The following ANKRD30B variants were observed in gnomAD, a reference collection of about 807,000 sequenced individuals.
ANKRD30B encodes ankyrin repeat domain-containing protein 30B.
In ANKRD30B, 144 loss-of-function variants were observed where a neutral mutation model predicts 202.2. That is an observed-to-expected ratio of 0.71 (90% confidence interval 0.62 to 0.82). ANKRD30B has a LOEUF of 0.82. Ranked by LOEUF, ANKRD30B falls within the 40% of genes least tolerant of loss-of-function variation. The pLI is 0.00. For synonymous variants in ANKRD30B, 508 were observed against 561.3 expected (o/e 0.91, Z 1.34); for missense variants, 1,487 against 1,669.1 (o/e 0.89, Z 1.90).
At chr18:14,775,570 G>A (rs1043377738) in intron 9 of ANKRD30B, among the ~76,000 whole-genome samples, 5 of 152,194 alleles carry the variant, frequency 3.3e-5, no homozygotes, top group African/African-American at 1.2e-4. Context: ...ATGAGAAATA[G>A]GACACCTGTA....
Position 14,785,459 on chromosome 18 carries a change from A to G in ANKRD30B, c.1672+924A>G, listed in dbSNP as rs546306771. Among the ~76,000 whole-genome samples, 14 of 152,350 alleles carry G rather than the reference A, an allele frequency of 9.2e-5. No individual in the cohort carries two copies. In the South Asian group the frequency reaches 2.9e-3, roughly 32 times the overall value. On this transcript the variant is annotated intron_variant, in intron 14 of 43. Coordinates refer to ENST00000690538, the MANE Select transcript of ANKRD30B (RefSeq NM_001367607.2). ...CACAGTTTTTATGCTGATAAGTAATAAATAAAAATGAAAACATGCAGATTT... is the reference window on the plus strand; with the variant it reads ...CACAGTTTTTATGCTGATAAGTAATGAATAAAAATGAAAACATGCAGATTT...
intron 3 of ANKRD30B, among the ~76,000 whole-genome samples, chr18:14,753,888 A>G (rs1913891056): frequency 6.6e-6 from 1 of 152,114 alleles, no homozygotes. Context: ...TAGAACTTTC[A>G]TTAGTAAGCC....
rs959243030 is a variant in ANKRD30B, at chr18:14,828,321, G to A, written c.2774+13G>A. On this transcript the variant is annotated intron_variant, in intron 33 of 43. Coordinates refer to ENST00000690538, the MANE Select transcript of ANKRD30B (RefSeq NM_001367607.2). Reference sequence around the variant, plus strand: ...AGTCCACATTCAGGTAAGACTTTGCGGTTTTTTAAAACGTATATGTTAACT... The same window carrying A: ...AGTCCACATTCAGGTAAGACTTTGCAGTTTTTTAAAACGTATATGTTAACT... 1.1e-5 allele frequency: 17 copies of A among 1,527,520 alleles called. No homozygotes were observed. The highest frequency in any genetic ancestry group is 6.5e-5 in the Admixed American group (3 of 45,992). The allele number at this position is 1,527,520 out of a possible 1,614,324, so 94.6% of individuals were successfully genotyped here.
chr18:14,888,794 A>G, the ANKRD30B span: 12 of 1,130,170 alleles, frequency 1.1e-5, no homozygotes, highest in Middle Eastern at 5.8e-4. Context: ...ATTTAAGGCA[A>G]CAAACATTTC....
chr18:14,838,988 T>C (rs1300209844), intron 36 of ANKRD30B, among the ~76,000 whole-genome samples: 3 of 152,086 alleles, frequency 2.0e-5, no homozygotes, highest in Non-Finnish European at 4.4e-5. Flanking sequence ...TAATTTTGGG[T>C]AAGGGGATGG....
chr18:14,753,011 AG>A lies in ANKRD30B; in HGVS notation c.510+1del, dbSNP rs759595560. 59 of 1,584,330 alleles carry A rather than the reference AG, an allele frequency of 3.7e-5. No homozygotes were observed. In the South Asian group the frequency reaches 6.3e-4, roughly 17 times the overall value. ...GGTGCAGTCATCGAGGTGCAAAACA[AG>A]GTAGACATTAACCAATGTTATTTTC... is the stretch of plus-strand genomic sequence containing the variant. Reference protein sequence around the residue: ...SYGAVIEVQNKASLTPLLLAI... With the variant: ...SYGAVIEVQNXASLTPLLLAI... On this transcript the variant is annotated frameshift_variant and splice_region_variant, in exon 3 of 44. Coordinates refer to ENST00000690538, the MANE Select transcript of ANKRD30B (RefSeq NM_001367607.2). LOFTEE classifies it high-confidence loss of function.
intron 42 of ANKRD30B, chr18:14,852,681 G>A (rs1354800270): frequency 3.8e-6 from 1 of 260,420 alleles, no homozygotes; most frequent in Admixed American, 5.3e-5. Context: ...AATGACATTG[G>A]CTTATACTGC....
chr18:14,929,997 G>A, the ANKRD30B span, among the ~76,000 whole-genome samples: 1 of 152,200 alleles, frequency 6.6e-6, no homozygotes. Context: ...GGCTCTGGAT[G>A]AGTAAGTGGC....
chr18:14,839,740 C>CA (rs1971334672), intron 36 of ANKRD30B, among the ~76,000 whole-genome samples: 2 of 152,020 alleles, frequency 1.3e-5, no homozygotes, highest in Admixed American at 1.3e-4. Flanking sequence ...TCTGTATCAG[C>CA]AAAAAAGATG....
chr18:14,805,624 G>A (rs1355303927), intron 24 of ANKRD30B, among the ~76,000 whole-genome samples: 1 of 150,566 alleles, frequency 6.6e-6, no homozygotes, highest in Non-Finnish European at 1.5e-5. Flanking sequence ...TCCGAACTGT[G>A]TACTTTCTCA....
chr18:14,796,089 G>A, intron 16 of ANKRD30B, 132 bp from the exon 17 acceptor site: 1 of 998,332 alleles, frequency 1.0e-6, no homozygotes, highest in Admixed American at 1.9e-5. Flanking sequence ...AAGCCCAAAA[G>A]ACCCCAAAAC....
chr18:14,855,085 G>A (rs1025414915), downstream of ANKRD30B, among the ~76,000 whole-genome samples: 3 of 152,076 alleles, frequency 2.0e-5, no homozygotes, highest in African/African-American at 7.2e-5. Context: ...CTGGGTACTT[G>A]AGATTAGGGA....
the ANKRD30B span, among the ~76,000 whole-genome samples, chr18:14,879,885 A>G: frequency 6.6e-6 from 1 of 152,112 alleles, no homozygotes; most frequent in Non-Finnish European, 1.5e-5. Context: ...CTTTAGTTTA[A>G]TTAAGTCCCA....
intron 16 of ANKRD30B, among the ~76,000 whole-genome samples, chr18:14,794,721 C>T (rs1426576156): frequency 6.6e-6 from 1 of 152,162 alleles, no homozygotes; most frequent in African/African-American, 2.4e-5. Flanking sequence ...CACGGTCATG[C>T]ATATTTAGCC....
chr18:14,868,221 G>T, the ANKRD30B span, among the ~76,000 whole-genome samples: 4 of 152,294 alleles, frequency 2.6e-5, no homozygotes, highest in Non-Finnish European at 5.9e-5. Context: ...GGGCTTTGGG[G>T]CCTGGCCCAG....
chr18:14,782,717 C>G, intron 12 of ANKRD30B, 103 bp downstream of exon 12: 2 of 628,738 alleles, frequency 3.2e-6, no homozygotes, highest in Non-Finnish European at 5.1e-6. Context: ...CCACTAAATA[C>G]ATAACATCGA....
chr18:14,763,102 TTA>T (rs1567985578), intron 6 of ANKRD30B, among the ~76,000 whole-genome samples: 2 of 152,100 alleles, frequency 1.3e-5, no homozygotes, highest in African/African-American at 2.4e-5. Context: ...CTTATTATTA[TTA>T]TCTTTTTTAT....
At chr18:14,871,065 A>G in the ANKRD30B span, among the ~76,000 whole-genome samples, 3 of 46,664 alleles carry the variant, frequency 6.4e-5, no homozygotes, top group Admixed American at 2.6e-4. Context: ...CCACCCACAC[A>G]CCCCCACCCA....
At chr18:14,786,668 C>G (rs1236640695) in intron 14 of ANKRD30B, among the ~76,000 whole-genome samples, 2 of 151,998 alleles carry the variant, frequency 1.3e-5, no homozygotes, top group Non-Finnish European at 2.9e-5. Context: ...CTAAGTAACA[C>G]TAGAAACTAA....
Sources: allele counts gnomAD v4.1 joint callset (sites outside exome capture counted in the v4.1 genomes callset), GRCh38; gene constraint gnomAD v4.1.1; transcripts MANE v1.5; gene names NCBI Gene and HGNC (gene_info 2026-07-23, HGNC 2026-07-21).